Variants in CFAP20DC observed in about 807,000 individuals in gnomAD.
The protein encoded by CFAP20DC is CFAP20 domain containing.
Under a neutral mutation model 101.7 loss-of-function variants are expected in CFAP20DC, and 84 were observed. The observed-to-expected ratio is 0.83, with a 90% CI of 0.69 to 0.99. CFAP20DC has a LOEUF of 0.99. Among genes scored for constraint, CFAP20DC ranks in the 50% least tolerant of loss-of-function variants. The probability of loss-of-function intolerance (pLI) is 0.00; values close to 1 mark genes in which losing one functional copy is unlikely to be tolerated. For synonymous variants in CFAP20DC, 359 were observed against 351.2 expected (o/e 1.02, Z -0.25); for missense variants, 1,007 against 970.3 (o/e 1.04, Z -0.50).
intron 5 of CFAP20DC, among the ~76,000 whole-genome samples, chr3:58,936,743 G>C (rs1026172249): frequency 6.6e-6 from 1 of 152,110 alleles, no homozygotes; most frequent in South Asian, 2.1e-4. Flanking sequence ...ATGGACACAG[G>C]AAGGGGAACA....
chr3:58,750,033 G>A (rs1016340006), intron 16 of CFAP20DC, among the ~76,000 whole-genome samples: 9 of 152,144 alleles, frequency 5.9e-5, no homozygotes, highest in Non-Finnish European at 1.0e-4. Flanking sequence ...TCAGAGATCC[G>A]AATGCAGTGC....
At chr3:59,037,665 G>A (rs902251336) in intron 4 of CFAP20DC, among the ~76,000 whole-genome samples, 7 of 152,190 alleles carry the variant, frequency 4.6e-5, no homozygotes, top group South Asian at 2.1e-4. Context: ...AAACAGGAAC[G>A]CTTTTATACT....
In CFAP20DC at chr3:58,775,026, G is replaced by C. The variant is rs529070117; in HGVS notation, c.2238-21163C>G. Among the ~76,000 whole-genome samples, 6 of 152,272 alleles carry C rather than the reference G, an allele frequency of 3.9e-5. No individual in the cohort carries two copies. The South Asian group carries it at 1.0e-3, about 26-fold the overall frequency. ...TCTGAGACAGGTCTCAGTTAACTTA[G>C]AAGGTTTATTTTGCCAAGGTTGAGG... On this transcript the variant is annotated intron_variant, in intron 15 of 16. Transcript: ENST00000482387.
intron 13 of CFAP20DC, among the ~76,000 whole-genome samples, chr3:58,835,493 T>C (rs2076674525): frequency 6.6e-6 from 1 of 152,196 alleles, no homozygotes; most frequent in Non-Finnish European, 1.5e-5. Flanking sequence ...TAGAAATAGA[T>C]TGATTCGTTA....
chr3:58,950,392 C>T (rs976040334), intron 4 of CFAP20DC, among the ~76,000 whole-genome samples: 3 of 152,074 alleles, frequency 2.0e-5, no homozygotes, highest in African/African-American at 7.2e-5. Flanking sequence ...ACTTTCTTCA[C>T]AGAATTGGAA....
chr3:58,948,152 A>G (rs2089603357), intron 4 of CFAP20DC, among the ~76,000 whole-genome samples: 1 of 152,252 alleles, frequency 6.6e-6, no homozygotes, highest in African/African-American at 2.4e-5. Context: ...AGAGGACATG[A>G]CATGGGACAC....
intron 4 of CFAP20DC, chr3:59,019,127 C>T (rs913345026): frequency 6.6e-6 from 1 of 152,046 alleles, no homozygotes; most frequent in Admixed American, 6.6e-5. Flanking sequence ...GACCCTATAA[C>T]TTGTCTCAAA....
At chr3:58,963,687 T>G (rs2091330540) in intron 4 of CFAP20DC, among the ~76,000 whole-genome samples, 1 of 152,174 alleles carries the variant, frequency 6.6e-6, no homozygotes, top group South Asian at 2.1e-4. Context: ...ATGCTCATTT[T>G]GGAAAATCTG....
At position 58,722,023 on chromosome 3, in the gene CFAP20DC, A is replaced by G. The variant is rs1397978692; in HGVS notation, c.198-4395T>C. 1.3e-5 allele frequency among the ~76,000 whole-genome samples: 2 copies of G among 152,220 alleles called. No individual in the cohort carries two copies. The highest frequency in any genetic ancestry group is 2.4e-5 in the African/African-American group (1 of 41,458). The stretch of plus-strand genomic sequence containing the variant: ...TTCTGGGACTAGTTCAGAAAAGGTC[A>G]TGAGCTTTGTTTTCTTTTTACCTAG... On this transcript the variant is annotated intron_variant, in intron 3 of 3. Transcript: ENST00000486145. The surrounding 1 kb of genome is among the most constrained non-coding windows in gnomAD (Gnocchi z 4.5).
At chr3:58,885,402 A>G (rs1430487553) in intron 6 of CFAP20DC, among the ~76,000 whole-genome samples, 2 of 152,142 alleles carry the variant, frequency 1.3e-5, no homozygotes, top group Non-Finnish European at 2.9e-5. Context: ...TGATGTTTAC[A>G]TACACATAAT....
At chr3:58,806,745 C>T (rs1190738261) in intron 14 of CFAP20DC, among the ~76,000 whole-genome samples, 2 of 152,174 alleles carry the variant, frequency 1.3e-5, no homozygotes, top group African/African-American at 2.4e-5. Flanking sequence ...GCACCGTGTG[C>T]GAGCCGAAGC....
intron 7 of CFAP20DC, among the ~76,000 whole-genome samples, chr3:58,878,446 C>A (rs1300229069): frequency 6.6e-6 from 1 of 151,918 alleles, no homozygotes; most frequent in Non-Finnish European, 1.5e-5. Flanking sequence ...CTTCATAAAC[C>A]CTTAATTTAT....
intron 8 of CFAP20DC, 92 bp downstream of exon 8, chr3:58,870,078 TGTC>T: frequency 1.9e-6 from 2 of 1,043,570 alleles, no homozygotes; most frequent in Non-Finnish European, 2.9e-6. Context: ...TCTGTCTGTC[TGTC>T]TTTCCCTCCC....
intron 4 of CFAP20DC, among the ~76,000 whole-genome samples, chr3:58,984,097 G>A (rs990063864): frequency 1.3e-5 from 2 of 152,096 alleles, no homozygotes; most frequent in Non-Finnish European, 2.9e-5. Context: ...ATGCTTATAA[G>A]TTTGGCTGGG....
At chr3:59,005,544 A>G (rs1221290950) in intron 4 of CFAP20DC, among the ~76,000 whole-genome samples, 2 of 152,032 alleles carry the variant, frequency 1.3e-5, no homozygotes, top group East Asian at 3.9e-4. Flanking sequence ...TTTTTCTGTC[A>G]TATAATTTTT....
At chr3:59,027,339 A>C (rs1560014566) in intron 4 of CFAP20DC, among the ~76,000 whole-genome samples, 1 of 152,178 alleles carries the variant, frequency 6.6e-6, no homozygotes, top group Non-Finnish European at 1.5e-5. Context: ...GTAGTACTTC[A>C]AACAGCTAAG....
chr3:58,869,453 C>T lies in CFAP20DC; in HGVS notation c.890G>A (p.Cys297Tyr). Residue 297 changes from cysteine (C) to tyrosine (Y), a missense_variant, in exon 9 of 17, where the codon TGC becomes TAC. By Grantham distance (194) the Cys-to-Tyr change is radical (BLOSUM62 -2). Transcript: ENST00000482387. The surrounding 1 kb of genome is among the most constrained non-coding windows in gnomAD (Gnocchi z 4.3). ...ACACTTCTCTACAGTGGACGGCTGG[C>T]ATGATCGGTTATTTTTGGACCCAAC... is the stretch of plus-strand genomic sequence containing the variant. ...RSVGSKNNRSCQPSTVEKCVN... is the reference protein window; with the variant it reads ...RSVGSKNNRSYQPSTVEKCVN... 1 of 1,612,694 alleles carries T rather than the reference C, an allele frequency of 6.2e-7. No homozygotes were observed. The highest frequency in any genetic ancestry group is 8.5e-7 in the Non-Finnish European group (1 of 1,179,394).
rs558270316 is a variant in CFAP20DC at position 58,776,260 on chromosome 3, C to G, written c.2238-22397G>C. Among the ~76,000 whole-genome samples the G allele has an allele frequency of 9.2e-5, 14 of 152,254 alleles. No homozygotes were observed. The East Asian group carries it at 2.5e-3, about 27-fold the overall frequency. ...CACTCCCAAACATGCCTTTTTAGCA[C>G]TGAGATTGTTGAGCTAAAGACAGTT... is the stretch of plus-strand genomic sequence containing the variant. On this transcript the variant is annotated intron_variant, in intron 15 of 16. Coordinates refer to ENST00000482387, the MANE Select transcript of CFAP20DC (RefSeq NM_001394063.1).
At chr3:58,978,824 G>A (rs75761092) in intron 4 of CFAP20DC, among the ~76,000 whole-genome samples, 2,260 of 152,126 alleles carry the variant, frequency 0.015, 69 homozygotes, top group African/African-American at 0.052. Context: ...ATAGTTCAAG[G>A]AGCACATGAG....
Sources: allele counts gnomAD v4.1 joint callset (sites outside exome capture counted in the v4.1 genomes callset), GRCh38; gene constraint gnomAD v4.1.1; non-coding constraint Gnocchi (gnomAD v3.1); transcripts MANE v1.5; gene names NCBI Gene and HGNC (gene_info 2026-07-23, HGNC 2026-07-21).